Variants in LYPD6 observed in about 807,000 individuals in gnomAD.
The protein encoded by LYPD6 is ly6/PLAUR domain-containing protein 6.
A neutral mutation model predicts 22.7 loss-of-function variants in LYPD6; 15 were observed. The ratio of observed to expected loss-of-function variants is 0.66; its 90% CI spans 0.44 to 1.02. The LOEUF is 1.02. Ranked by LOEUF, LYPD6 falls within the 50% of genes least tolerant of loss-of-function variation. LYPD6 has a pLI of 0.00. For synonymous variants in LYPD6, 72 were observed against 77.5 expected (o/e 0.93, Z 0.37); for missense variants, 189 against 208.4 (o/e 0.91, Z 0.57).
intron 1 of LYPD6, among the ~76,000 whole-genome samples, chr2:149,426,835 T>A (rs891960042): frequency 6.6e-6 from 1 of 151,784 alleles, no homozygotes; most frequent in Non-Finnish European, 1.5e-5. Flanking sequence ...GCCAAAGACA[T>A]TGGGTGGGGT....
At chr2:149,400,038 T>TGAC (rs1018437453) in intron 1 of LYPD6, among the ~76,000 whole-genome samples, 11 of 152,322 alleles carry the variant, frequency 7.2e-5, no homozygotes, top group African/African-American at 2.6e-4. Flanking sequence ...AAAGCCTGTG[T>TGAC]GACTGTCGGA....
In LYPD6 at chr2:149,340,695, C is replaced by A. The variant is rs530908326; in HGVS notation, c.-72+9973C>A. 3.3e-5 allele frequency among the ~76,000 whole-genome samples: 5 copies of A among 152,288 alleles called. No individual in the cohort carries two copies. The South Asian group carries it at 8.3e-4, about 25-fold the overall frequency. On this transcript the variant is annotated intron_variant, in intron 1 of 4. Transcript: ENST00000334166. ...TACTAAATTCCCAGATGTGTAGGAA[C>A]CAACATATAGTTTTTGACATTTAAA... is the stretch of plus-strand genomic sequence containing the variant.
At chr2:149,361,511 T>G (rs948291132) in intron 1 of LYPD6, among the ~76,000 whole-genome samples, 1 of 152,222 alleles carries the variant, frequency 6.6e-6, no homozygotes, top group Non-Finnish European at 1.5e-5. Flanking sequence ...ACACATCACT[T>G]TCTTTGAGTC....
At chr2:149,424,929 C>T (rs566237326) in intron 1 of LYPD6, among the ~76,000 whole-genome samples, 2 of 152,204 alleles carry the variant, frequency 1.3e-5, no homozygotes, top group Admixed American at 6.5e-5. Flanking sequence ...AGAATTGGGC[C>T]CTAGTTGCCA....
At chr2:149,469,996 T>C (rs1681294494) in intron 4 of LYPD6, among the ~76,000 whole-genome samples, 1 of 152,190 alleles carries the variant, frequency 6.6e-6, no homozygotes, top group South Asian at 2.1e-4. Flanking sequence ...ATTCTTTGTC[T>C]GGGGCAAGGT....
chr2:149,435,518 GCCTCACCTTACCAA>G lies in LYPD6; in HGVS notation c.-71-2112_-71-2099del, dbSNP rs575663466. ...TGTGCAGACCTGTCCCAGAGGTGCAGCCTCACCTTACCAACCTCACCATGCTGGCAGAGAAAAGC... is the reference window on the plus strand; with the variant it reads ...TGTGCAGACCTGTCCCAGAGGTGCAGCCTCACCATGCTGGCAGAGAAAAGC... On this transcript the variant is annotated intron_variant, in intron 1 of 4. Coordinates refer to ENST00000334166, the MANE Select transcript of LYPD6 (RefSeq NM_194317.5). Among the ~76,000 whole-genome samples, 486 of 152,318 alleles carry G rather than the reference GCCTCACCTTACCAA, an allele frequency of 3.2e-3. 2 individuals carry two copies. Among genetic ancestry groups the G allele is most frequent in the African/African-American group, 0.011 (457 of 41,568 alleles).
At position 149,378,835 on chromosome 2, in the gene LYPD6, TC is replaced by T. The variant is rs576718761; in HGVS notation, c.-72+48115del. Among the ~76,000 whole-genome samples the T allele has an allele frequency of 3.9e-3, 593 of 152,294 alleles. 4 individuals are homozygous for T. The highest frequency in any genetic ancestry group is 4.2e-3 in the Non-Finnish European group (287 of 68,032). ...TCTGGGGCATGATCTTGCAATGTAC[TC>T]CTTACTGCCCCATCCTGGAAACTTG... On this transcript the variant is annotated intron_variant, in intron 1 of 4. Coordinates refer to ENST00000334166, the MANE Select transcript of LYPD6 (RefSeq NM_194317.5).
the LYPD6 span, among the ~76,000 whole-genome samples, chr2:149,480,201 G>T: frequency 6.6e-6 from 1 of 151,970 alleles, no homozygotes; most frequent in Non-Finnish European, 1.5e-5. Context: ...GTAGAGACAG[G>T]GTTTCACCAT....
In LYPD6 at chr2:149,471,214, G is replaced by A; in HGVS notation, c.*364G>A. 1 of 166,866 alleles carries A rather than the reference G, an allele frequency of 6.0e-6. No individual in the cohort carries two copies. Among genetic ancestry groups the A allele is most frequent in the Non-Finnish European group, 1.3e-5 (1 of 77,616 alleles). 10.3% of individuals were successfully genotyped at this position (166,866 alleles called of 1,614,324 possible). A position where few individuals can be genotyped will look rare whatever the true frequency, so the allele number is the denominator to read the frequency against. On this transcript the variant is annotated 3_prime_UTR_variant, in exon 5 of 5. Transcript: ENST00000334166. ...TAAGATATTAGGAGTATGTTATAGG[G>A]GCATGTATAGATGTGGGCTTTTCAG...
chr2:149,385,822 G>T (rs533917092), intron 1 of LYPD6, among the ~76,000 whole-genome samples: 4 of 152,192 alleles, frequency 2.6e-5, no homozygotes, highest in Non-Finnish European at 4.4e-5. Flanking sequence ...GAGGGGCAGA[G>T]AAGGAGAGAG....
At chr2:149,331,733 G>T (rs547477711) in intron 1 of LYPD6, among the ~76,000 whole-genome samples, 1 of 152,290 alleles carries the variant, frequency 6.6e-6, no homozygotes, top group African/African-American at 2.4e-5. Flanking sequence ...AGAATGTTAA[G>T]CTTCTTTCTA....
chr2:149,391,385 A>G lies in LYPD6; in HGVS notation c.-71-46253A>G, dbSNP rs145455960. Among the ~76,000 whole-genome samples, 1,128 of 152,076 alleles carry G rather than the reference A, an allele frequency of 7.4e-3. 7 individuals carry two copies. Among genetic ancestry groups the G allele is most frequent in the Middle Eastern group, 0.024 (7 of 294 alleles). On this transcript the variant is annotated intron_variant, in intron 1 of 4. Transcript: ENST00000334166. Reference sequence around the variant, plus strand: ...TCCCTTTTTTCCCCCCCGATAATGGAGAAAACTTCTTGCCCTAAAGAAACG... The same window carrying G: ...TCCCTTTTTTCCCCCCCGATAATGGGGAAAACTTCTTGCCCTAAAGAAACG...
intron 1 of LYPD6, among the ~76,000 whole-genome samples, chr2:149,373,738 A>G (rs985636747): frequency 1.1e-4 from 16 of 152,198 alleles, no homozygotes; most frequent in Non-Finnish European, 4.4e-5. Flanking sequence ...ACGGTAGTGA[A>G]ACAAAGCTGT....
At chr2:149,348,524 C>A (rs1681301503) in intron 1 of LYPD6, among the ~76,000 whole-genome samples, 1 of 152,136 alleles carries the variant, frequency 6.6e-6, no homozygotes, top group Non-Finnish European at 1.5e-5. Flanking sequence ...GCCCTCCAGG[C>A]AGAAATGCAA....
rs183934543 is a variant in LYPD6, at chr2:149,428,348, G to A, written c.-71-9290G>A. 3.8e-3 allele frequency among the ~76,000 whole-genome samples: 583 copies of A among 152,262 alleles called. 3 individuals carry two copies. Among genetic ancestry groups the A allele is most frequent in the Middle Eastern group, 0.014 (4 of 294 alleles). ...GGAGATTTATTGGATGGATATTAAGGCTTCTATAATAATTAAAGGAAGAGT... is the reference window on the plus strand; with the variant it reads ...GGAGATTTATTGGATGGATATTAAGACTTCTATAATAATTAAAGGAAGAGT... On this transcript the variant is annotated intron_variant, in intron 1 of 4. Transcript: ENST00000334166.
intron 1 of LYPD6, among the ~76,000 whole-genome samples, chr2:149,419,140 C>T (rs961292639): frequency 1.3e-5 from 2 of 152,202 alleles, no homozygotes; most frequent in African/African-American, 2.4e-5. Context: ...CAGCCATCAA[C>T]TACAAAAGAA....
chr2:149,432,169 G>C (rs1305282071), intron 1 of LYPD6, among the ~76,000 whole-genome samples: 11 of 152,136 alleles, frequency 7.2e-5, no homozygotes, highest in Non-Finnish European at 5.9e-5. Flanking sequence ...AATGTAAAAT[G>C]GTGCAGCTTC....
At chr2:149,379,799 G>A (rs534163049) in intron 1 of LYPD6, among the ~76,000 whole-genome samples, 1 of 152,350 alleles carries the variant, frequency 6.6e-6, no homozygotes, top group East Asian at 1.9e-4. Context: ...CTAAGTGCCA[G>A]GCATCTTCCT....
At chr2:149,413,407 T>TAG (rs765029686) in intron 1 of LYPD6, among the ~76,000 whole-genome samples, 2 of 151,614 alleles carry the variant, frequency 1.3e-5, no homozygotes, top group African/African-American at 2.4e-5. Flanking sequence ...AATGACGAGA[T>TAG]AGAGAGAGAG....
Sources: allele counts gnomAD v4.1 joint callset (sites outside exome capture counted in the v4.1 genomes callset), GRCh38; gene constraint gnomAD v4.1.1; transcripts MANE v1.5; gene names NCBI Gene and HGNC (gene_info 2026-07-23, HGNC 2026-07-21).